NCAM1: variants seen among roughly 807,000 people sequenced by gnomAD.
NCAM1 encodes the protein antigen recognized by monoclonal antibody 5.1H11.
NCAM1 carries 14 observed loss-of-function variants against 109.8 expected under a neutral mutation model. The observed-to-expected ratio is 0.13, with a 90% CI of 0.08 to 0.20. NCAM1 has a LOEUF of 0.20. NCAM1 is among the 10% of genes least tolerant of loss of function. The pLI is 1.00. For missense variants in NCAM1, 774 were observed against 1,109.9 expected (o/e 0.70, Z 4.30); for synonymous variants, 418 against 442.9 (o/e 0.94, Z 0.70).
intron 1 of NCAM1, among the ~76,000 whole-genome samples, chr11:113,201,710 G>A (rs533632125): frequency 8.1e-4 from 123 of 152,326 alleles, no homozygotes; most frequent in Non-Finnish European, 1.4e-3. Context: ...ATTCCACAGG[G>A]CACGGGCTAC....
In NCAM1 at chr11:113,081,214, T is replaced by C. The variant is rs557810739; in HGVS notation, c.52+119550T>C. 9.9e-5 allele frequency among the ~76,000 whole-genome samples: 15 copies of C among 152,244 alleles called. No individual in the cohort carries two copies. The East Asian group carries it at 2.9e-3, about 30-fold the overall frequency. On this transcript the variant is annotated intron_variant, in intron 1 of 19. Coordinates refer to ENST00000316851, the MANE Select transcript of NCAM1 (RefSeq NM_181351.5). Reference sequence around the variant, plus strand: ...GACTGCCTACCCGCTGCGCTTACCTTTGTGCTACCAGAGCAGGGGGAAGGA... The same window carrying C: ...GACTGCCTACCCGCTGCGCTTACCTCTGTGCTACCAGAGCAGGGGGAAGGA...
intron 1 of NCAM1, among the ~76,000 whole-genome samples, chr11:113,074,758 A>G (rs573694105): frequency 5.7e-4 from 86 of 152,132 alleles, no homozygotes; most frequent in African/African-American, 1.9e-3. Context: ...CAGCCCCCCA[A>G]ATAGCTGGGA....
At chr11:113,136,165 G>C (rs1555099378) in intron 1 of NCAM1, among the ~76,000 whole-genome samples, 1 of 152,202 alleles carries the variant, frequency 6.6e-6, no homozygotes, top group African/African-American at 2.4e-5. Context: ...TTTTTAAAAA[G>C]TAATACATAG....
intron 1 of NCAM1, among the ~76,000 whole-genome samples, chr11:113,146,693 AGTTGATGGCAATG>A (rs782333368): frequency 2.6e-5 from 4 of 152,186 alleles, no homozygotes; most frequent in Admixed American, 1.3e-4. Context: ...GCAGCGATGG[AGTTGATGGCAATG>A]GTTGCTAGGC....
intron 1 of NCAM1, among the ~76,000 whole-genome samples, chr11:113,121,753 T>C (rs541379310): frequency 2.0e-5 from 3 of 152,284 alleles, no homozygotes; most frequent in Admixed American, 6.5e-5. Context: ...AAACTAGGAA[T>C]GGAGACAAAA....
chr11:113,190,948 T>C (rs115817600), intron 1 of NCAM1, among the ~76,000 whole-genome samples: 2,159 of 152,284 alleles, frequency 0.014, 43 homozygotes, highest in African/African-American at 0.049. Flanking sequence ...ATGAATAATC[T>C]GTTTCAAATG....
At chr11:113,120,287 G>A (rs1486941374) in intron 1 of NCAM1, among the ~76,000 whole-genome samples, 1 of 152,162 alleles carries the variant, frequency 6.6e-6, no homozygotes, top group African/African-American at 2.4e-5. Context: ...ATTATCCAAG[G>A]GTAGTGTTAA....
intron 15 of NCAM1, among the ~76,000 whole-genome samples, chr11:113,249,479 A>G (rs558519716): frequency 1.3e-5 from 2 of 152,052 alleles, no homozygotes; most frequent in Admixed American, 6.5e-5. Context: ...GGAAACTGCC[A>G]GTTCCCTTAG....
chr11:112,992,237 A>G (rs1297911743), intron 1 of NCAM1, among the ~76,000 whole-genome samples: 1 of 152,158 alleles, frequency 6.6e-6, no homozygotes, highest in Non-Finnish European at 1.5e-5. Context: ...TAAATTGTTA[A>G]AAATGCAAGT....
At chr11:112,997,104 A>T (rs1951614321) in intron 1 of NCAM1, among the ~76,000 whole-genome samples, 1 of 152,132 alleles carries the variant, frequency 6.6e-6, no homozygotes, top group Admixed American at 6.6e-5. Flanking sequence ...ACAAGGATGC[A>T]CTAGGCAGGG....
At chr11:113,218,240 T>C (rs560024005) in intron 8 of NCAM1, among the ~76,000 whole-genome samples, 1 of 152,152 alleles carries the variant, frequency 6.6e-6, no homozygotes. Context: ...CTGATAGAAA[T>C]GTTGACTAGA....
chr11:113,212,460 C>T (rs1399879661), intron 7 of NCAM1, among the ~76,000 whole-genome samples: 1 of 152,194 alleles, frequency 6.6e-6, no homozygotes, highest in Non-Finnish European at 1.5e-5. Context: ...TGACCCTTGC[C>T]TGTCTTCTGT....
intron 1 of NCAM1, among the ~76,000 whole-genome samples, chr11:113,117,983 A>G (rs1273878359): frequency 6.6e-6 from 1 of 152,008 alleles, no homozygotes; most frequent in Non-Finnish European, 1.5e-5. Context: ...GAGTGAAGTG[A>G]TTAATAGCAC....
intron 1 of NCAM1, among the ~76,000 whole-genome samples, chr11:113,137,465 T>G (rs1555099693): frequency 6.6e-6 from 1 of 152,254 alleles, no homozygotes; most frequent in South Asian, 2.1e-4. Flanking sequence ...AATTACTCAT[T>G]AATCTGACAT....
intron 1 of NCAM1, among the ~76,000 whole-genome samples, chr11:113,125,502 C>G (rs529650037): frequency 6.6e-6 from 1 of 152,298 alleles, no homozygotes; most frequent in African/African-American, 2.4e-5. Context: ...AAAACTGCAG[C>G]AGAGATTGCA....
intron 1 of NCAM1, among the ~76,000 whole-genome samples, chr11:113,107,489 G>C (rs1269792470): frequency 1.3e-5 from 2 of 152,048 alleles, no homozygotes; most frequent in African/African-American, 4.8e-5. Flanking sequence ...CCTGAGACTG[G>C]GTACTTTATA....
At chr11:113,159,856 CT>C (rs1160783554) in intron 1 of NCAM1, among the ~76,000 whole-genome samples, 2 of 109,914 alleles carry the variant, frequency 1.8e-5, no homozygotes. Flanking sequence ...TCCCTCCCCC[CT>C]CCCCCCACCC....
chr11:113,117,882 G>T (rs1000497177), intron 1 of NCAM1, among the ~76,000 whole-genome samples: 1 of 151,972 alleles, frequency 6.6e-6, no homozygotes, highest in Non-Finnish European at 1.5e-5. Context: ...AAGGAAGACA[G>T]ATTTTTAAAT....
chr11:113,018,942 TATA>T (rs1244954555), intron 1 of NCAM1, among the ~76,000 whole-genome samples: 1 of 152,164 alleles, frequency 6.6e-6, no homozygotes, highest in Non-Finnish European at 1.5e-5. Context: ...TACAGATTTA[TATA>T]ATGAACAAAG....
Sources: gnomAD v4.1 joint callset for allele counts (sites outside exome capture counted in the v4.1 genomes callset) on GRCh38, gnomAD v4.1.1 for gene constraint, MANE v1.5 for transcripts, NCBI Gene and HGNC (gene_info 2026-07-23, HGNC 2026-07-21) for gene names.